Variants in ENPP1 observed in about 807,000 individuals in gnomAD.
The protein encoded by ENPP1 is ectonucleotide pyrophosphatase/phosphodiesterase 1.
ENPP1 carries 73 observed loss-of-function variants against 122.8 expected under a neutral mutation model. The observed-to-expected ratio is 0.59, with a 90% confidence interval of 0.49 to 0.72. The LOEUF (loss-of-function observed/expected upper bound fraction) is 0.72. Ranked by LOEUF, ENPP1 falls within the 30% of genes least tolerant of loss-of-function variation. The pLI is 0.00. For missense variants in ENPP1, 978 were observed against 1,128.1 expected (o/e 0.87, Z 1.91); for synonymous variants, 367 against 391.6 (o/e 0.94, Z 0.74).
chr6:131,814,979 A>G (rs1781396831), intron 1 of ENPP1, among the ~76,000 whole-genome samples: 1 of 152,198 alleles, frequency 6.6e-6, no homozygotes, highest in East Asian at 1.9e-4. Context: ...AAAGGGGAAG[A>G]TGGGAAGACT....
At chr6:131,861,400 A>G (rs564935689) in intron 8 of ENPP1, among the ~76,000 whole-genome samples, 195 bp from the exon 9 acceptor site, 49 of 152,348 alleles carry the variant, frequency 3.2e-4, no homozygotes, top group African/African-American at 1.2e-3. Flanking sequence ...ACAGGAGTTA[A>G]TCTCTGACTA....
At chr6:131,876,853 G>A in intron 17 of ENPP1, 139 bp from the exon 18 acceptor site, 1 of 752,920 alleles carries the variant, frequency 1.3e-6, no homozygotes, top group Middle Eastern at 3.7e-4. Flanking sequence ...TAAAACCCAA[G>A]AGAGTTTTAT....
intron 24 of ENPP1, among the ~76,000 whole-genome samples, chr6:131,888,513 A>G (rs566339630): frequency 6.6e-6 from 1 of 152,200 alleles, no homozygotes; most frequent in South Asian, 2.1e-4. Context: ...TGGGCCCAAG[A>G]GTAGAATACA....
chr6:131,824,081 C>T (rs1394979511), intron 1 of ENPP1, among the ~76,000 whole-genome samples: 3 of 151,722 alleles, frequency 2.0e-5, no homozygotes, highest in Non-Finnish European at 4.4e-5. Context: ...GCTAAATGGT[C>T]AAAGGGAAAG....
At chr6:131,882,079 AATC>A (rs1332291698) in intron 20 of ENPP1, among the ~76,000 whole-genome samples, 1 of 151,668 alleles carries the variant, frequency 6.6e-6, no homozygotes, top group African/African-American at 2.4e-5. Flanking sequence ...GTGTAGATAA[AATC>A]ATTCTAAACA....
chr6:131,886,209 A>G (rs1330120028), intron 23 of ENPP1, among the ~76,000 whole-genome samples: 2 of 152,140 alleles, frequency 1.3e-5, no homozygotes, highest in Non-Finnish European at 1.5e-5. Context: ...ATCGCCTAGA[A>G]GTTAAGACTA....
intron 3 of ENPP1, 55 bp from the exon 4 acceptor site, chr6:131,851,086 CT>C: frequency 6.3e-7 from 1 of 1,599,490 alleles, no homozygotes. Context: ...TCTGTGTTCA[CT>C]TTGGACATGT....
Position 131,883,682 on chromosome 6 carries a change from T to C in ENPP1, c.2231-12T>C. 2.4e-6 allele frequency: 3 copies of C among 1,244,106 alleles called. No homozygotes were observed. Among genetic ancestry groups the C allele is most frequent in the Non-Finnish European group, 3.6e-6 (3 of 844,206 alleles). The allele number at this position is 1,244,106 out of a possible 1,614,324, so 77.1% of individuals were successfully genotyped here. On this transcript the variant is annotated splice_polypyrimidine_tract_variant and intron_variant, in intron 21 of 24. Transcript: ENST00000647893. ...TGAAGAATGAAAAAGTTGTCCTCTT[T>C]TCTCTTTGTAGAACTAAATAAAAAT... is the stretch of plus-strand genomic sequence containing the variant.
intron 17 of ENPP1, 79 bp from the exon 18 acceptor site, chr6:131,876,913 A>C: frequency 1.4e-6 from 2 of 1,403,208 alleles, no homozygotes; most frequent in Non-Finnish European, 2.0e-6. Context: ...GGTTTTAAAA[A>C]AGTAAAGATC....
intron 7 of ENPP1, among the ~76,000 whole-genome samples, chr6:131,859,755 C>T (rs1162206317): frequency 1.3e-5 from 2 of 152,056 alleles, no homozygotes; most frequent in Admixed American, 6.6e-5. Context: ...GAGTAGAGGG[C>T]GGTGGTTGTC....
Position 131,890,472 on chromosome 6 carries a change from G to A in ENPP1, c.2739G>A (p.Lys913=). 6.2e-7 allele frequency: 1 copy of A among 1,614,072 alleles called. No individual in the cohort carries two copies. The highest frequency in any genetic ancestry group is 8.5e-7 in the Non-Finnish European group (1 of 1,179,922). Residue 913 remains lysine (K), a synonymous_variant, in exon 25 of 25, where the codon AAG becomes AAA. Transcript: ENST00000647893. ...AAGAGCCAGTTTCAGACATTTTAAA[G>A]TTGAAAACACATTTGCCAACCTTTA... is the stretch of plus-strand genomic sequence containing the variant. ...QRKEPVSDIL[K]LKTHLPTFSQ... is the part of the protein sequence containing the mutation.
chr6:131,861,623 T>C lies in ENPP1; in HGVS notation c.944T>C (p.Leu315Pro), dbSNP rs1257249796. ...TGGGTCACAGCTAAGTATCAAGGCC[T>C]CAAGTCTGGCACATTTTTCTGGCCA... ...PIWVTAKYQGLKSGTFFWPGS... is the reference protein window; with the variant it reads ...PIWVTAKYQGPKSGTFFWPGS... The change falls in exon 9 of 25, where the codon CTC becomes CCC. Residue 315 changes from leucine (L) to proline (P), a missense_variant. By Grantham distance (98) the Leu-to-Pro change is moderately conservative. This residue lies in a region of ENPP1 where 644 missense variants were observed against 781.5 expected (regional missense o/e 0.82). Transcript: ENST00000647893. 1 of 1,613,614 alleles carries C rather than the reference T, an allele frequency of 6.2e-7. No homozygotes were observed. Among genetic ancestry groups the C allele is most frequent in the South Asian group, 1.1e-5 (1 of 91,076 alleles).
intron 1 of ENPP1, among the ~76,000 whole-genome samples, chr6:131,815,423 T>C (rs1389981770): frequency 6.6e-6 from 1 of 152,268 alleles, no homozygotes; most frequent in African/African-American, 2.4e-5. Flanking sequence ...GTTCTGGTAT[T>C]TCTTTTTCAC....
chr6:131,808,268 T>C lies in ENPP1; in HGVS notation c.233T>C (p.Leu78Pro). Residue 78 changes from leucine (L) to proline (P), a missense_variant, in exon 1 of 25, where the codon CTC becomes CCC. By Grantham distance (98) the Leu-to-Pro change is moderately conservative. Transcript: ENST00000647893. ...TAKDPNTYKV[L>P]SLVLSVCVLT... is the part of the protein sequence containing the mutation. ...AAGGACCCCAACACCTATAAAGTAC[T>C]CTCGCTGGTAGGTCCGCGGCCAGGC... 6.6e-7 allele frequency: 1 copy of C among 1,508,714 alleles called. No homozygotes were observed. The highest frequency in any genetic ancestry group is 1.4e-5 in the African/African-American group (1 of 69,934). The allele number at this position is 1,508,714 out of a possible 1,614,324, so 93.5% of individuals were successfully genotyped here. A position where few individuals can be genotyped will look rare whatever the true frequency, so the allele number is the denominator to read the frequency against.
At chr6:131,864,721 G>T in intron 10 of ENPP1, 145 bp from the exon 11 acceptor site, 1 of 806,340 alleles carries the variant, frequency 1.2e-6, no homozygotes, top group Non-Finnish European at 2.1e-6. Flanking sequence ...ACATTTTGAA[G>T]AATTTCAAAG....
At chr6:131,826,679 C>T in intron 1 of ENPP1, 1 of 680,860 alleles carries the variant, frequency 1.5e-6, no homozygotes, top group South Asian at 1.8e-5. Context: ...AGTTTGCTTC[C>T]CTCATTATCA....
intron 20 of ENPP1, among the ~76,000 whole-genome samples, chr6:131,881,977 C>T (rs1782315592): frequency 1.3e-5 from 2 of 151,850 alleles, no homozygotes; most frequent in Admixed American, 6.6e-5. Flanking sequence ...GAGATTGCGC[C>T]GCTGCCCTCT....
intron 1 of ENPP1, among the ~76,000 whole-genome samples, chr6:131,846,563 C>G (rs571023268): frequency 8.4e-4 from 128 of 152,294 alleles, no homozygotes; most frequent in African/African-American, 3.0e-3. Flanking sequence ...ACCACCCCAA[C>G]CTTTCTCCTT....
At chr6:131,818,516 T>G (rs1045121023) in intron 1 of ENPP1, among the ~76,000 whole-genome samples, 1 of 151,726 alleles carries the variant, frequency 6.6e-6, no homozygotes, top group Non-Finnish European at 1.5e-5. Context: ...GGCATGGTGG[T>G]GGGCGCCTGT....
Sources: allele counts gnomAD v4.1 joint callset (sites outside exome capture counted in the v4.1 genomes callset), GRCh38; gene constraint gnomAD v4.1.1; regional missense constraint gnomAD v4.1.1; transcripts MANE v1.5; gene names NCBI Gene and HGNC (gene_info 2026-07-23, HGNC 2026-07-21).